The following ST3GAL1 variants were observed in gnomAD, a reference collection of about 807,000 sequenced individuals.
The protein encoded by ST3GAL1 is CMP-N-acetylneuraminate-beta-galactosamide-alpha-2,3-sialyltransferase 1.
In ST3GAL1, 16 loss-of-function variants were observed where a neutral mutation model predicts 34.1. That is an observed-to-expected ratio of 0.47 (90% confidence interval 0.32 to 0.71). The LOEUF (loss-of-function observed/expected upper bound fraction) is 0.71, where lower values mean the gene tolerates loss of function less well. ST3GAL1 is among the 30% of genes least tolerant of loss of function. The pLI is 0.04. For synonymous variants in ST3GAL1, 191 were observed against 184.7 expected, an observed-to-expected ratio of 1.03 and a Z score of -0.28; for missense variants, 353 against 447.4, an observed-to-expected ratio of 0.79 and a Z score of 1.90.
rs1051110114 is a variant in ST3GAL1, at chr8:133,455,085, A to G, written c.*4679T>C. 1.3e-5 allele frequency: 2 copies of G among 152,268 alleles called. No individual in the cohort carries two copies. The highest frequency in any genetic ancestry group is 2.9e-5 in the Non-Finnish European group (2 of 68,074). The allele number at this position is 152,268 out of a possible 1,614,324, so 9.4% of individuals were successfully genotyped here. A position where few individuals can be genotyped will look rare whatever the true frequency, so the allele number is the denominator to read the frequency against. On this transcript the variant is annotated 3_prime_UTR_variant, in exon 10 of 10. Transcript: ENST00000522652. ...TGCACACAAGAAAAAGTGCTCAAGA[A>G]ACTTTGGCTTTGAAGGGAATTCAGT...
intron 2 of ST3GAL1, among the ~76,000 whole-genome samples, chr8:133,503,231 T>C (rs1817236902): frequency 7.1e-6 from 1 of 141,522 alleles, no homozygotes; most frequent in South Asian, 2.3e-4. Flanking sequence ...TTTGCAAGTA[T>C]TCTAACGCCC....
intron 9 of ST3GAL1, among the ~76,000 whole-genome samples, chr8:133,460,919 A>G (rs1434869851): frequency 6.6e-6 from 1 of 152,192 alleles, no homozygotes; most frequent in Non-Finnish European, 1.5e-5. Flanking sequence ...GGACGGGGAC[A>G]GCACCATGCC....
At chr8:133,555,507 C>T (rs528466048) in intron 1 of ST3GAL1, among the ~76,000 whole-genome samples, 9 of 152,274 alleles carry the variant, frequency 5.9e-5, no homozygotes, top group South Asian at 2.1e-4. Context: ...ATGGGACATT[C>T]GTCCTGCCCT....
intron 2 of ST3GAL1, among the ~76,000 whole-genome samples, chr8:133,538,572 T>C (rs2131058530): frequency 6.6e-6 from 1 of 152,342 alleles, no homozygotes; most frequent in East Asian, 1.9e-4. Context: ...GTGAGTCTGT[T>C]ACAGCTGCCC....
At chr8:133,502,908 G>A (rs1817227894) in intron 2 of ST3GAL1, among the ~76,000 whole-genome samples, 2 of 152,202 alleles carry the variant, frequency 1.3e-5, no homozygotes, top group Non-Finnish European at 2.9e-5. Context: ...CACTGACATT[G>A]GGCTTGGCCA....
intron 6 of ST3GAL1, chr8:133,465,506 C>T (rs116011783): frequency 0.013 from 2,290 of 175,762 alleles, 18 homozygotes; most frequent in Admixed American, 0.018. Context: ...TTTCACTTGG[C>T]GACAGGGGAA....
At position 133,502,026 on chromosome 8, in the gene ST3GAL1, C is replaced by A. The variant is rs534584531; in HGVS notation, c.-428-2837G>T. On this transcript the variant is annotated intron_variant, in intron 2 of 9. Coordinates refer to ENST00000522652, the MANE Select transcript of ST3GAL1 (RefSeq NM_173344.3). ...TTCTGTCAACTGCCTCAGGATTCACCGGGGGACTCAAGCATCCATTTCCTG... is the reference window on the plus strand; with the variant it reads ...TTCTGTCAACTGCCTCAGGATTCACAGGGGGACTCAAGCATCCATTTCCTG... Among the ~76,000 whole-genome samples, 108 of 152,222 alleles carry A rather than the reference C, an allele frequency of 7.1e-4. 2 individuals are homozygous for A. The highest frequency in any genetic ancestry group is 2.5e-3 in the African/African-American group (102 of 41,546).
At chr8:133,541,112 TATATATATAGAG>T (rs1336323648) in intron 2 of ST3GAL1, among the ~76,000 whole-genome samples, 6 of 40,716 alleles carry the variant, frequency 1.5e-4, no homozygotes, top group African/African-American at 7.8e-4. Flanking sequence ...TATATATATA[TATATATATAGAG>T]AGAGAGAGAG....
At chr8:133,468,113 C>A (rs962176099) in intron 5 of ST3GAL1, among the ~76,000 whole-genome samples, 2 of 152,010 alleles carry the variant, frequency 1.3e-5, no homozygotes, top group African/African-American at 2.4e-5. Context: ...TCCACTCCTA[C>A]GTATATACCC....
Position 133,469,977 on chromosome 8 carries a change from A to G in ST3GAL1, c.307-3887T>C, listed in dbSNP as rs1815886296. The stretch of plus-strand genomic sequence containing the variant: ...GTGAGTGCAGGGCCAGGTAGAGCTC[A>G]GATGGGAAACTGGCTCTTTCTCTAG... On this transcript the variant is annotated intron_variant, in intron 5 of 9. Coordinates refer to ENST00000522652, the MANE Select transcript of ST3GAL1 (RefSeq NM_173344.3). The surrounding 1 kb of genome is among the most constrained non-coding windows in gnomAD (Gnocchi z 4.3). Among the ~76,000 whole-genome samples the G allele has an allele frequency of 6.6e-6, 1 of 152,248 alleles. No individual in the cohort carries two copies. Among genetic ancestry groups the G allele is most frequent in the Non-Finnish European group, 1.5e-5 (1 of 68,036 alleles).
chr8:133,492,993 G>T (rs1816829690), intron 3 of ST3GAL1, among the ~76,000 whole-genome samples: 1 of 152,178 alleles, frequency 6.6e-6, no homozygotes, highest in African/African-American at 2.4e-5. Context: ...AATGACCGCT[G>T]GGAATGGCCA....
At chr8:133,563,996 C>G (rs979855061) in intron 1 of ST3GAL1, among the ~76,000 whole-genome samples, 15 of 152,326 alleles carry the variant, frequency 9.8e-5, no homozygotes, top group Admixed American at 4.6e-4. Context: ...CTATTCTGCA[C>G]GTCACTTTCA....
chr8:133,470,375 C>T (rs570546302), intron 5 of ST3GAL1, among the ~76,000 whole-genome samples: 3 of 151,506 alleles, frequency 2.0e-5, no homozygotes, highest in East Asian at 1.9e-4. Context: ...GCCGAGATCA[C>T]GCCATTGCAC....
chr8:133,497,715 C>T (rs1389515420), intron 3 of ST3GAL1, among the ~76,000 whole-genome samples: 1 of 151,928 alleles, frequency 6.6e-6, no homozygotes, highest in South Asian at 2.1e-4. Context: ...TCAGGTGATC[C>T]GCCTGCCTCG....
intron 2 of ST3GAL1, among the ~76,000 whole-genome samples, chr8:133,517,645 C>T (rs1817686769): frequency 6.6e-6 from 1 of 152,196 alleles, no homozygotes; most frequent in Non-Finnish European, 1.5e-5. Flanking sequence ...CCAACGCGCC[C>T]GGCCCAGACT....
intron 3 of ST3GAL1, among the ~76,000 whole-genome samples, chr8:133,488,867 CA>C (rs753082105): frequency 4.5e-5 from 5 of 111,552 alleles, no homozygotes; most frequent in African/African-American, 1.1e-4. Flanking sequence ...CACTGGCAGA[CA>C]GGGGGGGCCA....
chr8:133,493,210 AC>A (rs973429119), intron 3 of ST3GAL1, among the ~76,000 whole-genome samples: 2 of 152,216 alleles, frequency 1.3e-5, no homozygotes, highest in Admixed American at 1.3e-4. Flanking sequence ...CATTTTAAAA[AC>A]ATCTTGTTCT....
At chr8:133,551,583 AAAGAAAGAAAG>A (rs1818856213) in intron 1 of ST3GAL1, among the ~76,000 whole-genome samples, 1 of 150,724 alleles carries the variant, frequency 6.6e-6, no homozygotes, top group Non-Finnish European at 1.5e-5. Context: ...AGAAAGAAAG[AAAGAAAGAAAG>A]AAAGAAAGAA....
rs1817421559 is a variant in ST3GAL1, at chr8:133,508,779, G to A, written c.-428-9590C>T. Among the ~76,000 whole-genome samples the A allele has an allele frequency of 6.6e-6, 1 of 152,116 alleles. No homozygotes were observed. The highest frequency in any genetic ancestry group is 1.5e-5 in the Non-Finnish European group (1 of 68,020). On this transcript the variant is annotated intron_variant, in intron 2 of 9. Transcript: ENST00000522652. This position sits in a 1 kb window ranked among gnomAD's most constrained non-coding sequence, Gnocchi z 4.1. ...GGATACTGGAGATACAATGAGGAGT[G>A]AAATATATAGTCCCTCTCTGAAAGC...
Sources: allele counts gnomAD v4.1 joint callset (sites outside exome capture counted in the v4.1 genomes callset), GRCh38; gene constraint gnomAD v4.1.1; non-coding constraint Gnocchi (gnomAD v3.1); transcripts MANE v1.5; gene names NCBI Gene and HGNC (gene_info 2026-07-23, HGNC 2026-07-21).